Variants in PDSS1 observed in about 807,000 individuals in gnomAD.
PDSS1 encodes the protein all trans-polyprenyl-diphosphate synthase PDSS1.
Under a neutral mutation model 57.5 loss-of-function variants are expected in PDSS1, and 43 were observed. The observed-to-expected ratio is 0.75, with a 90% CI of 0.59 to 0.96. The LOEUF is 0.96. Ranked by LOEUF, PDSS1 falls within the 50% of genes least tolerant of loss-of-function variation. PDSS1 has a pLI of 0.00. For synonymous variants in PDSS1, 175 were observed against 191.3 expected, an observed-to-expected ratio of 0.91 and a Z score of 0.70; for missense variants, 438 against 527.8, an observed-to-expected ratio of 0.83 and a Z score of 1.67.
Position 26,746,777 on chromosome 10 carries a change from A to T in PDSS1, c.*304A>T, listed in dbSNP as rs1440699462. 9.6e-6 allele frequency: 4 copies of T among 414,726 alleles called. No homozygotes were observed. Among genetic ancestry groups the T allele is most frequent in the Admixed American group, 7.7e-5 (2 of 25,856 alleles). 25.7% of individuals were successfully genotyped at this position (414,726 alleles called of 1,614,324 possible). On this transcript the variant is annotated 3_prime_UTR_variant, in exon 12 of 12. Coordinates refer to ENST00000376215, the MANE Select transcript of PDSS1 (RefSeq NM_014317.5). ...ACATGTAAGGCCATTACACAAATAA[A>T]TAACCAATGTTAAAATTCAAATGGT... is the stretch of plus-strand genomic sequence containing the variant.
Position 26,705,282 on chromosome 10 carries a change from C to T in PDSS1, c.228-4C>T. On this transcript the variant is annotated splice_region_variant and splice_polypyrimidine_tract_variant and intron_variant, in intron 3 of 11. Coordinates refer to ENST00000376215, the MANE Select transcript of PDSS1 (RefSeq NM_014317.5). ...GAAGTCATGTGCATTTTTGCATGTC[C>T]CAGGTTTCATCACACAACCCCAGAC... The T allele has an allele frequency of 6.4e-7, 1 of 1,565,514 alleles. No homozygotes were observed. Among genetic ancestry groups the T allele is most frequent in the Non-Finnish European group, 8.8e-7 (1 of 1,136,294 alleles).
intron 5 of PDSS1, among the ~76,000 whole-genome samples, chr10:26,713,924 G>A (rs1419398241): frequency 6.6e-6 from 1 of 152,000 alleles, no homozygotes; most frequent in African/African-American, 2.4e-5. Flanking sequence ...CCCACATCCA[G>A]GGACTGATAG....
chr10:26,722,321 T>G (rs918427837), intron 6 of PDSS1, among the ~76,000 whole-genome samples: 2 of 152,262 alleles, frequency 1.3e-5, no homozygotes, highest in Non-Finnish European at 2.9e-5. Context: ...CATCACTGTT[T>G]AGATACTGAA....
intron 8 of PDSS1, among the ~76,000 whole-genome samples, chr10:26,731,026 G>C (rs1209026628): frequency 6.6e-6 from 1 of 151,962 alleles, no homozygotes; most frequent in African/African-American, 2.4e-5. Flanking sequence ...GGCCAACATG[G>C]TGAAACCCCT....
At chr10:26,745,056 T>C (rs1836783082) in intron 11 of PDSS1, among the ~76,000 whole-genome samples, 1 of 151,766 alleles carries the variant, frequency 6.6e-6, no homozygotes, top group Non-Finnish European at 1.5e-5. Flanking sequence ...CCTAGCTACT[T>C]AGGAGGCTGA....
Position 26,712,969 on chromosome 10 carries a change from T to G in PDSS1, c.467+3201T>G, listed in dbSNP as rs1480075281. Among the ~76,000 whole-genome samples, 2 of 95,404 alleles carry G rather than the reference T, an allele frequency of 2.1e-5. 1 individual carries two copies. The highest frequency in any genetic ancestry group is 4.8e-5 in the Non-Finnish European group (2 of 41,292). 62.6% of individuals were successfully genotyped at this position (95,404 alleles called of 152,430 possible). A position where few individuals can be genotyped will look rare whatever the true frequency, so the allele number is the denominator to read the frequency against. ...ATGCTGTGTTTTTTTGTTTTTTTGTTTTTTTTTTTGCTTCTGAGGTATGTA... is the reference window on the plus strand; with the variant it reads ...ATGCTGTGTTTTTTTGTTTTTTTGTGTTTTTTTTTGCTTCTGAGGTATGTA... On this transcript the variant is annotated intron_variant, in intron 5 of 11. Coordinates refer to ENST00000376215, the MANE Select transcript of PDSS1 (RefSeq NM_014317.5).
intron 5 of PDSS1, among the ~76,000 whole-genome samples, chr10:26,710,132 C>G (rs1375034514): frequency 3.0e-5 from 1 of 33,084 alleles, no homozygotes; most frequent in African/African-American, 8.0e-5. Flanking sequence ...CCAGCCTGGG[C>G]GACAGAGCGA....
intron 4 of PDSS1, among the ~76,000 whole-genome samples, chr10:26,707,763 A>G (rs1321620721): frequency 2.0e-5 from 3 of 152,230 alleles, no homozygotes; most frequent in Non-Finnish European, 4.4e-5. Context: ...TCCCACACCC[A>G]GGTAGCTAAC....
Position 26,746,392 on chromosome 10 carries a change from A to C in PDSS1, c.1167A>C (p.Arg389Ser). Reference protein sequence around the residue: ...LAQQYCHEAIREISKLRPSPE... With the variant: ...LAQQYCHEAISEISKLRPSPE... ...AGCAGTACTGCCATGAAGCAATAAG[A>C]GAGATCAGTAAACTTCGACCATCCC... is the stretch of plus-strand genomic sequence containing the variant. The change falls in exon 12 of 12, where the codon AGA (arginine) becomes AGC (serine). Residue 389 changes from arginine to serine, a missense_variant. By Grantham distance (110) the Arg-to-Ser change is moderately radical (BLOSUM62 -1). Coordinates refer to ENST00000376215, the MANE Select transcript of PDSS1 (RefSeq NM_014317.5). The C allele has an allele frequency of 6.2e-7, 1 of 1,614,042 alleles. No individual in the cohort carries two copies. The highest frequency in any genetic ancestry group is 8.5e-7 in the Non-Finnish European group (1 of 1,179,892).
At chr10:26,721,423 T>TATACACACAC (rs10645608) in intron 6 of PDSS1, among the ~76,000 whole-genome samples, 2,877 of 149,334 alleles carry the variant, frequency 0.019, 26 homozygotes, top group Middle Eastern at 0.031. Context: ...GATATATGTA[T>TATACACACAC]ACACACACAC....
intron 11 of PDSS1, among the ~76,000 whole-genome samples, chr10:26,744,108 A>G (rs1032913707): frequency 1.3e-5 from 2 of 152,222 alleles, no homozygotes; most frequent in African/African-American, 4.8e-5. Flanking sequence ...GTGAAAAATA[A>G]CAAGAGCTAC....
intron 4 of PDSS1, among the ~76,000 whole-genome samples, chr10:26,707,823 C>T (rs912475701): frequency 3.3e-5 from 5 of 152,252 alleles, no homozygotes; most frequent in Non-Finnish European, 7.3e-5. Context: ...AGGCTTAACT[C>T]AGCTGAGACT....
intron 8 of PDSS1, among the ~76,000 whole-genome samples, chr10:26,732,613 G>A (rs544715570): frequency 9.2e-5 from 14 of 152,314 alleles, no homozygotes; most frequent in South Asian, 2.1e-4. Flanking sequence ...GCCTGGTACC[G>A]TCTGTGTCTC....
At chr10:26,701,925 G>A (rs1835064470) in intron 1 of PDSS1, 1 of 436,024 alleles carries the variant, frequency 2.3e-6, no homozygotes, top group Non-Finnish European at 4.6e-6. Context: ...CAGAGTCAGA[G>A]CCACCCAAGT....
intron 4 of PDSS1, among the ~76,000 whole-genome samples, chr10:26,705,992 A>G (rs924016801): frequency 3.3e-5 from 5 of 152,130 alleles, no homozygotes; most frequent in African/African-American, 4.8e-5. Flanking sequence ...CTTAAAACCC[A>G]CCACCTCCCA....
rs572259634 is a variant in PDSS1 at position 26,711,559 on chromosome 10, C to T, written c.467+1791C>T. ...ATTGTCAGGACCACTTTCACTTTAC[C>T]GGAAGGCAGAGCAGCAAAAACGCTC... On this transcript the variant is annotated intron_variant, in intron 5 of 11. Coordinates refer to ENST00000376215, the MANE Select transcript of PDSS1 (RefSeq NM_014317.5). 5.0e-5 allele frequency among the ~76,000 whole-genome samples: 5 copies of T among 99,090 alleles called. 2 individuals carry two copies. Among genetic ancestry groups the T allele is most frequent in the East Asian group, 2.5e-4 (1 of 4,030 alleles). The allele number at this position is 99,090 out of a possible 152,430, so 65.0% of individuals were successfully genotyped here. A position where few individuals can be genotyped will look rare whatever the true frequency, so the allele number is the denominator to read the frequency against.
intron 3 of PDSS1, 89 bp from the exon 4 acceptor site, chr10:26,705,197 G>A (rs1835168783): frequency 2.7e-6 from 2 of 748,964 alleles, no homozygotes; most frequent in South Asian, 3.0e-5. Context: ...AAATATTTGG[G>A]CTGAATTTTC....
intron 1 of PDSS1, among the ~76,000 whole-genome samples, chr10:26,700,095 C>T (rs1286646922): frequency 6.6e-6 from 1 of 152,172 alleles, no homozygotes; most frequent in Non-Finnish European, 1.5e-5. Context: ...GTAGTGTGAA[C>T]AAATATTGTA....
At chr10:26,720,974 C>T (rs904857381) in intron 6 of PDSS1, among the ~76,000 whole-genome samples, 2 of 152,140 alleles carry the variant, frequency 1.3e-5, no homozygotes, top group South Asian at 2.1e-4. Flanking sequence ...AATGCACAGG[C>T]ATCCATCGCC....
Sources: allele counts gnomAD v4.1 joint callset (sites outside exome capture counted in the v4.1 genomes callset), GRCh38; gene constraint gnomAD v4.1.1; transcripts MANE v1.5; gene names NCBI Gene and HGNC (gene_info 2026-07-23, HGNC 2026-07-21).